Variants in ARHGAP32 observed in about 807,000 individuals in gnomAD.
ARHGAP32 encodes the protein rho GTPase-activating protein 32.
In ARHGAP32, 51 loss-of-function variants were observed where a neutral mutation model predicts 186.5. That is an observed-to-expected ratio of 0.27 (90% CI 0.22 to 0.35). The LOEUF is 0.35. ARHGAP32 is among the 10% of genes least tolerant of loss of function. ARHGAP32 has a pLI of 1.00. For synonymous variants in ARHGAP32, 950 were observed against 964.3 expected (o/e 0.99, Z 0.27); for missense variants, 2,186 against 2,623.5 (o/e 0.83, Z 3.64).
intron 2 of ARHGAP32, among the ~76,000 whole-genome samples, chr11:129,138,292 C>T (rs1942976754): frequency 1.1e-5 from 1 of 92,384 alleles, no homozygotes; most frequent in South Asian, 4.5e-4. Context: ...TATACCCTTA[C>T]TGGTAAAAAA....
At chr11:129,083,607 T>G (rs1388586869) in intron 6 of ARHGAP32, among the ~76,000 whole-genome samples, 2 of 152,158 alleles carry the variant, frequency 1.3e-5, no homozygotes, top group Admixed American at 6.6e-5. Context: ...CAACACATTG[T>G]GCACAGTGTA....
chr11:129,061,411 T>C (rs1163289856), intron 10 of ARHGAP32, among the ~76,000 whole-genome samples: 1 of 152,174 alleles, frequency 6.6e-6, no homozygotes, highest in Non-Finnish European at 1.5e-5. Context: ...TCACAGATAG[T>C]ACCAAACCCT....
chr11:128,975,038 A>G (rs775747159), intron 20 of ARHGAP32, 36 bp from the exon 21 acceptor site: 5 of 1,554,842 alleles, frequency 3.2e-6, no homozygotes, highest in African/African-American at 2.7e-5. Context: ...AAGTAAGAAC[A>G]TCGTAGATAC....
chr11:129,138,049 A>G (rs1942971945), intron 2 of ARHGAP32, among the ~76,000 whole-genome samples: 1 of 152,068 alleles, frequency 6.6e-6, no homozygotes, highest in African/African-American at 2.4e-5. Context: ...TAGATAAAAG[A>G]AAACTGAAAT....
In ARHGAP32 at chr11:129,173,172, C is replaced by T. The variant is rs61911012; in HGVS notation, c.117-8745G>A. Among the ~76,000 whole-genome samples the T allele has an allele frequency of 6.8e-3, 1,028 of 152,034 alleles. 5 individuals are homozygous for T. Among genetic ancestry groups the T allele is most frequent in the Middle Eastern group, 0.051 (15 of 294 alleles). ...AAATACAAACTACCATCAGAGAATACTATAAACATCTCTACACAAATAAAC... is the reference window on the plus strand; with the variant it reads ...AAATACAAACTACCATCAGAGAATATTATAAACATCTCTACACAAATAAAC... On this transcript the variant is annotated intron_variant, in intron 1 of 22. Transcript: ENST00000682385.
chr11:129,013,149 A>G (rs1565375149), intron 11 of ARHGAP32, among the ~76,000 whole-genome samples: 1 of 152,228 alleles, frequency 6.6e-6, no homozygotes, highest in Non-Finnish European at 1.5e-5. Flanking sequence ...GCAATTAAGT[A>G]AGAGTTGCAA....
intron 9 of ARHGAP32, 142 bp downstream of exon 9, chr11:129,063,760 T>G: frequency 1.1e-6 from 1 of 944,398 alleles, no homozygotes; most frequent in Non-Finnish European, 1.5e-6. Flanking sequence ...TAGAAGATAT[T>G]ACAGGCTGAA....
At chr11:129,143,148 G>T (rs889491471) in intron 2 of ARHGAP32, among the ~76,000 whole-genome samples, 20 of 147,794 alleles carry the variant, frequency 1.4e-4, no homozygotes, top group African/African-American at 4.5e-4. Context: ...AGGCAAACAG[G>T]ACTGCCAGTT....
At chr11:129,271,728 T>G (rs944650626) in intron 1 of ARHGAP32, among the ~76,000 whole-genome samples, 1 of 151,990 alleles carries the variant, frequency 6.6e-6, no homozygotes, top group African/African-American at 2.4e-5. Context: ...CAAAAGCATA[T>G]AGAAAATGAG....
chr11:129,122,659 A>C (rs1942561384), intron 5 of ARHGAP32, among the ~76,000 whole-genome samples: 1 of 152,120 alleles, frequency 6.6e-6, no homozygotes. Context: ...AATTCATCTC[A>C]CTTGTTTATG....
At chr11:129,039,212 A>C (rs1340801623) in intron 11 of ARHGAP32, among the ~76,000 whole-genome samples, 1 of 152,312 alleles carries the variant, frequency 6.6e-6, no homozygotes, top group Non-Finnish European at 1.5e-5. Context: ...TATAGTTACC[A>C]TATGACCCAG....
intron 1 of ARHGAP32, among the ~76,000 whole-genome samples, chr11:129,266,159 G>T (rs1156680746): frequency 6.6e-6 from 1 of 152,168 alleles, no homozygotes; most frequent in Non-Finnish European, 1.5e-5. Flanking sequence ...ATTTGGGTTA[G>T]TAGAGAGAAA....
At position 128,986,775 on chromosome 11, in the gene ARHGAP32, G is replaced by GA. The variant is rs531200127; in HGVS notation, c.1299-108dup. 2.4e-3 allele frequency: 2,485 copies of GA among 1,021,566 alleles called. 71 individuals are homozygous for GA. In the South Asian group the frequency reaches 0.039, roughly 16 times the overall value. 63.3% of individuals were successfully genotyped at this position (1,021,566 alleles called of 1,614,324 possible). A position where few individuals can be genotyped will look rare whatever the true frequency, so the allele number is the denominator to read the frequency against. ...CAAAAGTGTTCAGCTCTATCTCAGT[G>GA]AGTTGCTATTATCTTCCATTAATTA... On this transcript the variant is annotated intron_variant, in intron 13 of 22. Coordinates refer to ENST00000682385, the MANE Select transcript of ARHGAP32 (RefSeq NM_001378024.1).
At chr11:129,242,920 C>T (rs1363004693) in intron 1 of ARHGAP32, among the ~76,000 whole-genome samples, 1 of 151,940 alleles carries the variant, frequency 6.6e-6, no homozygotes, top group East Asian at 1.9e-4. Flanking sequence ...CTACTAACTG[C>T]ACACACACAC....
chr11:129,006,309 G>C (rs1270412592), intron 11 of ARHGAP32, among the ~76,000 whole-genome samples: 4 of 152,296 alleles, frequency 2.6e-5, no homozygotes, highest in Non-Finnish European at 4.4e-5. Flanking sequence ...GAGCATTGAA[G>C]AGTCAGGTAT....
intron 1 of ARHGAP32, among the ~76,000 whole-genome samples, chr11:129,257,896 T>C (rs934049384): frequency 2.6e-5 from 4 of 152,168 alleles, no homozygotes; most frequent in African/African-American, 9.7e-5. Context: ...TCTGATGATA[T>C]ATAGTCATCA....
chr11:129,001,893 C>T (rs940132256), intron 11 of ARHGAP32, among the ~76,000 whole-genome samples: 26 of 152,150 alleles, frequency 1.7e-4, no homozygotes, highest in Admixed American at 1.6e-3. Flanking sequence ...ATGCTCTTGG[C>T]ACCTTTGATA....
chr11:129,267,220 G>C (rs1482430339), intron 1 of ARHGAP32, among the ~76,000 whole-genome samples: 1 of 152,040 alleles, frequency 6.6e-6, no homozygotes, highest in East Asian at 1.9e-4. Context: ...AAATTAACGG[G>C]GCATGATGGC....
chr11:129,220,751 T>C (rs1175943862), intron 1 of ARHGAP32, among the ~76,000 whole-genome samples: 1 of 152,224 alleles, frequency 6.6e-6, no homozygotes, highest in African/African-American at 2.4e-5. Flanking sequence ...TTGTAGGTGA[T>C]TCTCTTACAT....
Sources: allele counts gnomAD v4.1 joint callset (sites outside exome capture counted in the v4.1 genomes callset), GRCh38; gene constraint gnomAD v4.1.1; transcripts MANE v1.5; gene names NCBI Gene and HGNC (gene_info 2026-07-23, HGNC 2026-07-21).